Variants in CAMK2D observed in about 807,000 individuals in gnomAD.
CAMK2D encodes the protein calcium/calmodulin-dependent protein kinase type II subunit delta.
CAMK2D carries 37 observed loss-of-function variants against 84.0 expected under a neutral mutation model. The ratio of observed to expected loss-of-function variants is 0.44; its 90% CI spans 0.34 to 0.58. The LOEUF (loss-of-function observed/expected upper bound fraction) is 0.58. Ranked by LOEUF, CAMK2D falls within the 20% of genes least tolerant of loss-of-function variation. The pLI is 0.02. For synonymous variants in CAMK2D, 202 were observed against 212.5 expected, an observed-to-expected ratio of 0.95 and a Z score of 0.43; for missense variants, 448 against 652.5, an observed-to-expected ratio of 0.69 and a Z score of 3.41.
Position 113,457,580 on chromosome 4 carries a change from T to C in CAMK2D, c.1307-17A>G, listed in dbSNP as rs757723502. 1.9e-6 allele frequency: 3 copies of C among 1,606,120 alleles called. No individual in the cohort carries two copies. Among genetic ancestry groups the C allele is most frequent in the Non-Finnish European group, 1.7e-6 (2 of 1,174,616 alleles). ...TGGACAAAGCTGAAAGAGAAAAACA[T>C]GAAAAGCAAAATTTAGTTTCTATGT... On this transcript the variant is annotated splice_polypyrimidine_tract_variant and intron_variant, in intron 18 of 20. Coordinates refer to ENST00000511664, the MANE Select transcript of CAMK2D (RefSeq NM_001321571.2).
At chr4:113,749,193 G>A (rs943736501) in intron 2 of CAMK2D, among the ~76,000 whole-genome samples, 32 of 151,488 alleles carry the variant, frequency 2.1e-4, no homozygotes, top group Middle Eastern at 6.9e-3. Context: ...ATTAGAATAG[G>A]TATTAGAAAT....
rs139959217 is a variant in CAMK2D, at chr4:113,572,739, C to A, written c.276-20643G>T. 5.2e-3 allele frequency among the ~76,000 whole-genome samples: 790 copies of A among 152,178 alleles called. 7 individuals carry two copies. Among genetic ancestry groups the A allele is most frequent in the African/African-American group, 0.018 (740 of 41,514 alleles). On this transcript the variant is annotated intron_variant, in intron 4 of 20. Transcript: ENST00000511664. ...AGCAGTATGGTGTTTTCTCAAAGAG[C>A]TAAAAGCAGAACTACCATTCGACCC...
chr4:113,582,343 T>A (rs531924034), intron 4 of CAMK2D, among the ~76,000 whole-genome samples: 13 of 152,370 alleles, frequency 8.5e-5, no homozygotes, highest in African/African-American at 3.1e-4. Flanking sequence ...CACACGTTTC[T>A]ATTTAGCAGA....
At chr4:113,479,117 ATAGT>A (rs1234760996) in intron 16 of CAMK2D, among the ~76,000 whole-genome samples, 21 of 152,238 alleles carry the variant, frequency 1.4e-4, no homozygotes, top group Admixed American at 9.8e-4. Flanking sequence ...TTCTATCAAG[ATAGT>A]TAGTTTCTTT....
chr4:113,521,097 T>C (rs2098352239), intron 8 of CAMK2D, among the ~76,000 whole-genome samples: 1 of 152,206 alleles, frequency 6.6e-6, no homozygotes, highest in Admixed American at 6.5e-5. Context: ...TTGCTCCTTA[T>C]CCACTTGGTT....
intron 6 of CAMK2D, among the ~76,000 whole-genome samples, chr4:113,545,179 G>A (rs919969823): frequency 6.6e-6 from 1 of 152,128 alleles, no homozygotes; most frequent in Non-Finnish European, 1.5e-5. Context: ...TATGCTGCAG[G>A]TATTGGCCAG....
intron 4 of CAMK2D, among the ~76,000 whole-genome samples, chr4:113,601,937 T>C (rs1048795889): frequency 2.0e-5 from 3 of 152,046 alleles, no homozygotes; most frequent in African/African-American, 7.2e-5. Context: ...GCTTAAGCGA[T>C]CTCCTGTCTC....
At chr4:113,517,736 T>C (rs1350100880) in intron 8 of CAMK2D, 79 bp from the exon 9 acceptor site, 2 of 709,658 alleles carry the variant, frequency 2.8e-6, no homozygotes, top group South Asian at 1.7e-5. Flanking sequence ...CACAATGATA[T>C]TAAGCCGTAG....
At chr4:113,675,724 C>T (rs2099315682) in intron 2 of CAMK2D, among the ~76,000 whole-genome samples, 1 of 151,874 alleles carries the variant, frequency 6.6e-6, no homozygotes. Context: ...GGTAAAATTC[C>T]ATGTAAAGTT....
intron 16 of CAMK2D, among the ~76,000 whole-genome samples, chr4:113,495,634 T>C (rs2097917950): frequency 6.6e-6 from 1 of 152,168 alleles, no homozygotes. Context: ...ACCATTCAAG[T>C]AATAAGGGTG....
chr4:113,498,733 C>A (rs1400002009), intron 16 of CAMK2D, among the ~76,000 whole-genome samples: 1 of 152,124 alleles, frequency 6.6e-6, no homozygotes, highest in South Asian at 2.1e-4. Context: ...TTTCTAAGAA[C>A]TGATATTATT....
intron 2 of CAMK2D, among the ~76,000 whole-genome samples, chr4:113,743,715 CT>C (rs920607510): frequency 6.6e-6 from 1 of 152,142 alleles, no homozygotes; most frequent in Admixed American, 6.5e-5. Context: ...ATTATCAGTC[CT>C]TCTCTTCCTT....
intron 4 of CAMK2D, among the ~76,000 whole-genome samples, chr4:113,584,976 A>G (rs2098827305): frequency 2.0e-5 from 3 of 151,576 alleles, no homozygotes; most frequent in Admixed American, 6.6e-5. Context: ...GGGCTGAGTC[A>G]CTCTCCCCTG....
At chr4:113,618,223 A>T (rs2099030002) in intron 3 of CAMK2D, among the ~76,000 whole-genome samples, 1 of 152,194 alleles carries the variant, frequency 6.6e-6, no homozygotes, top group East Asian at 1.9e-4. Context: ...AAAGTTTAAA[A>T]CATACTTCAT....
intron 2 of CAMK2D, among the ~76,000 whole-genome samples, chr4:113,699,291 A>G (rs1287890023): frequency 6.6e-6 from 1 of 152,116 alleles, no homozygotes; most frequent in Non-Finnish European, 1.5e-5. Flanking sequence ...CTTTTGTTTA[A>G]TATCTATGAT....
intron 16 of CAMK2D, among the ~76,000 whole-genome samples, chr4:113,481,194 C>T (rs1333649496): frequency 2.0e-5 from 3 of 152,062 alleles, no homozygotes; most frequent in African/African-American, 4.8e-5. Context: ...AGGAGAATTC[C>T]GATCATTTTA....
At chr4:113,603,803 T>TATATATATATATATATATATA (rs1561291454) in intron 4 of CAMK2D, among the ~76,000 whole-genome samples, 2 of 100,100 alleles carry the variant, frequency 2.0e-5, no homozygotes, top group African/African-American at 9.4e-5. Context: ...ATATATATAT[T>TATATATATATATATATATATA]TAAAACAGTA....
At chr4:113,594,794 T>C (rs2098916501) in intron 4 of CAMK2D, among the ~76,000 whole-genome samples, 1 of 152,166 alleles carries the variant, frequency 6.6e-6, no homozygotes, top group African/African-American at 2.4e-5. Context: ...CAACTTAGAT[T>C]GTGGGACGAT....
intron 2 of CAMK2D, among the ~76,000 whole-genome samples, chr4:113,714,450 G>A (rs1383656029): frequency 6.6e-6 from 1 of 151,884 alleles, no homozygotes; most frequent in African/African-American, 2.4e-5. Context: ...AACAAGTTCA[G>A]GATGCCATCC....
Sources: allele counts gnomAD v4.1 joint callset (sites outside exome capture counted in the v4.1 genomes callset), GRCh38; gene constraint gnomAD v4.1.1; transcripts MANE v1.5; gene names NCBI Gene and HGNC (gene_info 2026-07-23, HGNC 2026-07-21).